Variants in IL17RB observed in about 807,000 individuals in gnomAD.
IL17RB encodes the protein interleukin-17 receptor B.
A neutral mutation model predicts 43.9 loss-of-function variants in IL17RB; 36 were observed. That is an observed-to-expected ratio of 0.82 (90% confidence interval 0.63 to 1.08). The LOEUF (loss-of-function observed/expected upper bound fraction) is 1.08. Ranked by LOEUF, IL17RB falls within the 50% of genes least tolerant of loss-of-function variation. IL17RB has a pLI of 0.00. For missense variants in IL17RB, 613 were observed against 613.6 expected, an observed-to-expected ratio of 1.00 and a Z score of 0.01; for synonymous variants, 225 against 225.4, an observed-to-expected ratio of 1.00 and a Z score of 0.02.
At chr3:53,850,084 A>G (rs1362422107) in intron 3 of IL17RB, among the ~76,000 whole-genome samples, 1 of 152,254 alleles carries the variant, frequency 6.6e-6, no homozygotes, top group Non-Finnish European at 1.5e-5. Flanking sequence ...TGTCACAAAC[A>G]TAAGGCAGAT....
At chr3:53,853,598 C>T (rs1699233070) in intron 5 of IL17RB, among the ~76,000 whole-genome samples, 1 of 152,190 alleles carries the variant, frequency 6.6e-6, no homozygotes, top group South Asian at 2.1e-4. Context: ...TTCTCTGGTA[C>T]CACAGCTGCA....
At chr3:53,863,434 A>G (rs530842106) in intron 10 of IL17RB, among the ~76,000 whole-genome samples, 1 of 152,364 alleles carries the variant, frequency 6.6e-6, no homozygotes, top group East Asian at 1.9e-4. Flanking sequence ...AGGAAAGGAA[A>G]TACAAATGCA....
chr3:53,854,743 C>A (rs879388457), intron 5 of IL17RB, among the ~76,000 whole-genome samples: 3 of 152,224 alleles, frequency 2.0e-5, no homozygotes, highest in African/African-American at 4.8e-5. Flanking sequence ...AATTCTACCC[C>A]ACCCTGGGGT....
intron 4 of IL17RB, among the ~76,000 whole-genome samples, chr3:53,852,569 A>C (rs566555059): frequency 1.5e-4 from 23 of 152,228 alleles, no homozygotes; most frequent in Non-Finnish European, 2.9e-4. Flanking sequence ...CCTTGGTTCA[A>C]ATCCCATTTT....
rs1699171534 is a variant in IL17RB, at chr3:53,852,101, C to A, written c.329C>A (p.Thr110Asn). 2 of 1,614,016 alleles carry A rather than the reference C, an allele frequency of 1.2e-6. No individual in the cohort carries two copies. Among genetic ancestry groups the A allele is most frequent in the Non-Finnish European group, 1.7e-6 (2 of 1,180,036 alleles). ...VRCNYTEAFQTQTRPSGGKWT... is the reference protein window; with the variant it reads ...VRCNYTEAFQNQTRPSGGKWT... ...TGCAATTACACAGAGGCCTTCCAGA[C>A]TCAGACCAGACCCTCTGGTGGTAAA... The change falls in exon 4 of 11, where the codon ACT becomes AAT. Residue 110 changes from threonine (T) to asparagine (N), a missense_variant. Transcript: ENST00000288167.
At position 53,857,942 on chromosome 3, in the gene IL17RB, C is replaced by CAT. The variant is rs563886653; in HGVS notation, c.747+252_747+253insAT. ...CCAAAGCACTTTTTATTTTCATTTT[C>CAT]TGTCACAGACACTCAGGGATAGCAG... is the stretch of plus-strand genomic sequence containing the variant. On this transcript the variant is annotated intron_variant, in intron 8 of 10. Coordinates refer to ENST00000288167, the MANE Select transcript of IL17RB (RefSeq NM_018725.4). 2.9e-4 allele frequency: 142 copies of CAT among 486,588 alleles called. 1 individual carries two copies. The South Asian group carries it at 3.4e-3, about 11-fold the overall frequency. The allele number at this position is 486,588 out of a possible 1,614,324, so 30.1% of individuals were successfully genotyped here.
At position 53,856,883 on chromosome 3, in the gene IL17RB, A is replaced by G; in HGVS notation, c.569A>G (p.Asn190Ser). 1 of 1,614,142 alleles carries G rather than the reference A, an allele frequency of 6.2e-7. No individual in the cohort carries two copies. Among genetic ancestry groups the G allele is most frequent in the African/African-American group, 1.3e-5 (1 of 75,056 alleles). The change falls in exon 7 of 11, where the codon AAT (asparagine) becomes AGT (serine). Residue 190 changes from asparagine to serine, a missense_variant. Transcript: ENST00000288167. The stretch of plus-strand genomic sequence containing the variant: ...CCGAACATCACTGCTTGTAAGAAGA[A>G]TGAGGAGACAGTAGAAGTGAACTTC... Reference protein sequence around the residue: ...WDPNITACKKNEETVEVNFTT... With the variant: ...WDPNITACKKSEETVEVNFTT...
intron 8 of IL17RB, chr3:53,858,094 C>T (rs1699413508): frequency 9.9e-6 from 2 of 202,438 alleles, no homozygotes; most frequent in Admixed American, 5.3e-5. Flanking sequence ...TGGGCCGCAG[C>T]GGACCCAGCT....
intron 1 of IL17RB, among the ~76,000 whole-genome samples, 167 bp from the exon 2 acceptor site, chr3:53,848,497 A>G (rs1699019791): frequency 6.6e-6 from 1 of 152,258 alleles, no homozygotes; most frequent in Non-Finnish European, 1.5e-5. Flanking sequence ...ACAGTGGGAC[A>G]GCTTAGTTCC....
chr3:53,858,252 A>G (rs1410606092), intron 8 of IL17RB: 1 of 689,608 alleles, frequency 1.5e-6, no homozygotes, highest in Non-Finnish European at 1.8e-6. Context: ...ATTCCCTGGC[A>G]TAAAAAGTGC....
intron 5 of IL17RB, 76 bp downstream of exon 5, chr3:53,853,073 G>C (rs187073793): frequency 6.4e-7 from 1 of 1,569,938 alleles, no homozygotes; most frequent in African/African-American, 1.4e-5. Flanking sequence ...AGAGAGCCCA[G>C]GGAACCCTGG....
At position 53,865,227 on chromosome 3, in the gene IL17RB, T is replaced by G. The variant is rs1224616898; in HGVS notation, c.1428T>G (p.Cys476Trp). Residue 476 changes from cysteine to tryptophan, a missense_variant, in exon 11 of 11, where the codon TGT becomes TGG. Coordinates refer to ENST00000288167, the MANE Select transcript of IL17RB (RefSeq NM_018725.4). ...YHLMKDATAF[C>W]AELLHVKQQV... Reference sequence around the variant, plus strand: ...TCATGAAGGATGCCACTGCTTTCTGTGCAGAACTTCTCCATGTCAAGCAGC... The same window carrying G: ...TCATGAAGGATGCCACTGCTTTCTGGGCAGAACTTCTCCATGTCAAGCAGC... The G allele has an allele frequency of 6.2e-7, 1 of 1,613,808 alleles. No homozygotes were observed.
At chr3:53,858,513 G>A in intron 8 of IL17RB, 3 of 1,413,620 alleles carry the variant, frequency 2.1e-6, no homozygotes, top group Non-Finnish European at 1.8e-6. Context: ...TCAGACCCCG[G>A]GAGTCTTGGG....
intron 3 of IL17RB, among the ~76,000 whole-genome samples, chr3:53,850,496 TCTC>T (rs1699098202): frequency 1.9e-5 from 2 of 107,662 alleles, no homozygotes; most frequent in Non-Finnish European, 3.5e-5. Context: ...TGAAACTCCG[TCTC>T]AAAAAAAAAA....
In IL17RB at chr3:53,856,896, A is replaced by G. The variant is rs1207358026; in HGVS notation, c.582A>G (p.Val194=). The change falls in exon 7 of 11, where the codon GTA becomes GTG. Residue 194 remains valine, a synonymous_variant. Transcript: ENST00000288167. The part of the protein sequence containing the change: ...ITACKKNEET[V]EVNFTTTPLG... ...CTTGTAAGAAGAATGAGGAGACAGT[A>G]GAAGTGAACTTCACAACCACTCCCC... 6 of 1,613,964 alleles carry G rather than the reference A, an allele frequency of 3.7e-6. No individual in the cohort carries two copies. Among genetic ancestry groups the G allele is most frequent in the Non-Finnish European group, 5.1e-6 (6 of 1,179,898 alleles).
chr3:53,860,003 C>G (rs981225110), intron 9 of IL17RB, 127 bp from the exon 10 acceptor site: 1 of 669,508 alleles, frequency 1.5e-6, no homozygotes, highest in Middle Eastern at 4.5e-4. Flanking sequence ...AAGCGAGACT[C>G]TGTCTCAAAA....
intron 9 of IL17RB, 53 bp downstream of exon 9, chr3:53,858,871 C>T (rs1379372409): frequency 2.9e-6 from 4 of 1,363,492 alleles, no homozygotes; most frequent in Non-Finnish European, 3.1e-6. Context: ...CACACAGTCA[C>T]TGCCCCCCAC....
intron 5 of IL17RB, among the ~76,000 whole-genome samples, chr3:53,854,418 G>T (rs2107013060): frequency 6.6e-6 from 1 of 152,242 alleles, no homozygotes; most frequent in East Asian, 1.9e-4. Flanking sequence ...GTTGCATTTA[G>T]TCCCTGTGTG....
chr3:53,852,218 T>G, intron 4 of IL17RB, 92 bp downstream of exon 4: 1 of 1,154,446 alleles, frequency 8.7e-7, no homozygotes, highest in East Asian at 2.5e-5. Flanking sequence ...CATGGCTCAC[T>G]GCGACCTCAA....
Sources: gnomAD v4.1 joint callset for allele counts (sites outside exome capture counted in the v4.1 genomes callset) on GRCh38, gnomAD v4.1.1 for gene constraint, MANE v1.5 for transcripts, NCBI Gene and HGNC (gene_info 2026-07-23, HGNC 2026-07-21) for gene names.